The following PIP4K2A variants were observed in gnomAD, a reference collection of about 807,000 sequenced individuals.
PIP4K2A encodes the protein phosphatidylinositol-5-phosphate 4-kinase type 2 alpha.
A neutral mutation model predicts 42.9 loss-of-function variants in PIP4K2A; 14 were observed. That is an observed-to-expected ratio of 0.33 (90% CI 0.22 to 0.51). The LOEUF is 0.51. Among genes scored for constraint, PIP4K2A ranks in the 20% least tolerant of loss-of-function variants. The pLI is 0.97. For synonymous variants in PIP4K2A, 192 were observed against 192.2 expected (o/e 1.00, Z 0.01); for missense variants, 434 against 519.8 (o/e 0.83, Z 1.61).
chr10:22,618,658 TCTGCACACA>T (rs1235196647), intron 1 of PIP4K2A, among the ~76,000 whole-genome samples: 16 of 152,216 alleles, frequency 1.1e-4, no homozygotes, highest in Non-Finnish European at 2.1e-4. Context: ...TCCAGAGCTA[TCTGCACACA>T]ATTTATTTCT....
At chr10:22,612,212 G>GTC (rs1838060927) in intron 1 of PIP4K2A, among the ~76,000 whole-genome samples, 2 of 152,204 alleles carry the variant, frequency 1.3e-5, no homozygotes, top group Non-Finnish European at 2.9e-5. Context: ...TCGGACACCA[G>GTC]TCTTTGTCCT....
intron 1 of PIP4K2A, among the ~76,000 whole-genome samples, chr10:22,684,986 G>A (rs752697708): frequency 6.6e-6 from 1 of 152,048 alleles, no homozygotes; most frequent in African/African-American, 2.4e-5. Flanking sequence ...TTACACCTGT[G>A]GAACCCGTGC....
intron 1 of PIP4K2A, among the ~76,000 whole-genome samples, chr10:22,695,135 A>G (rs1161517247): frequency 6.6e-6 from 1 of 152,238 alleles, no homozygotes; most frequent in African/African-American, 2.4e-5. Context: ...ACTCATCCAC[A>G]TAACCTTCAT....
rs1456239721 is a variant in PIP4K2A, at chr10:22,664,170, T to TATAC, written c.144+50012_144+50013insGTAT. Among the ~76,000 whole-genome samples the TATAC allele has an allele frequency of 6.8e-4, 42 of 61,808 alleles. 6 individuals are homozygous for TATAC. The highest frequency in any genetic ancestry group is 3.6e-3 in the African/African-American group (29 of 8,094). 40.5% of individuals were successfully genotyped at this position (61,808 alleles called of 152,430 possible). Reference sequence around the variant, plus strand: ...ATATATACACATATATATATATACATATATATATATACATATATATACATA... The same window carrying TATAC: ...ATATATACACATATATATATATACATATACATATATATATACATATATATACATA... On this transcript the variant is annotated intron_variant, in intron 1 of 9. Transcript: ENST00000376573.
At chr10:22,561,347 A>C (rs942616755) in intron 6 of PIP4K2A, among the ~76,000 whole-genome samples, 26 of 152,168 alleles carry the variant, frequency 1.7e-4, no homozygotes, top group Admixed American at 3.9e-4. Flanking sequence ...GATTATGCTA[A>C]TGCAAATCAC....
chr10:22,712,965 C>A (rs936371902), intron 1 of PIP4K2A, among the ~76,000 whole-genome samples: 3 of 151,028 alleles, frequency 2.0e-5, no homozygotes, highest in Non-Finnish European at 4.4e-5. Flanking sequence ...TTCCGAAAAA[C>A]CAGCATGGTT....
In PIP4K2A at chr10:22,714,037, C is replaced by G. The variant is rs564580032; in HGVS notation, c.144+146G>C. 5.4e-3 allele frequency: 4,346 copies of G among 807,192 alleles called. 19 individuals carry two copies. Among genetic ancestry groups the G allele is most frequent in the Non-Finnish European group, 6.2e-3 (3,294 of 531,770 alleles). 50.0% of individuals were successfully genotyped at this position (807,192 alleles called of 1,614,324 possible). A position where few individuals can be genotyped will look rare whatever the true frequency, so the allele number is the denominator to read the frequency against. On this transcript the variant is annotated intron_variant, in intron 1 of 9. Coordinates refer to ENST00000376573, the MANE Select transcript of PIP4K2A (RefSeq NM_005028.5). Reference sequence around the variant, plus strand: ...AGGGCTGGGGGCACGCGCCGCGGGGCTGGGGGCTTCGAGGCGGGCGAGCAG... The same window carrying G: ...AGGGCTGGGGGCACGCGCCGCGGGGGTGGGGGCTTCGAGGCGGGCGAGCAG...
At chr10:22,600,723 T>C (rs940361221) in intron 3 of PIP4K2A, among the ~76,000 whole-genome samples, 2 of 152,118 alleles carry the variant, frequency 1.3e-5, no homozygotes, top group Non-Finnish European at 2.9e-5. Context: ...GGGTCTGCAG[T>C]TGACATATCT....
chr10:22,600,329 A>G (rs1837731320), intron 3 of PIP4K2A, among the ~76,000 whole-genome samples: 1 of 152,102 alleles, frequency 6.6e-6, no homozygotes, highest in Non-Finnish European at 1.5e-5. Flanking sequence ...CCACCCTCGT[A>G]TAAGGGAACA....
At chr10:22,697,109 G>T (rs2130909425) in intron 1 of PIP4K2A, among the ~76,000 whole-genome samples, 1 of 149,472 alleles carries the variant, frequency 6.7e-6, no homozygotes, top group South Asian at 2.1e-4. Flanking sequence ...ATTTTCTTCA[G>T]TGTTCTCTGG....
At chr10:22,676,248 A>G (rs994304716) in intron 1 of PIP4K2A, among the ~76,000 whole-genome samples, 11 of 152,170 alleles carry the variant, frequency 7.2e-5, no homozygotes, top group African/African-American at 2.7e-4. Context: ...TACATTAAAC[A>G]GCAAATAAAG....
intron 1 of PIP4K2A, among the ~76,000 whole-genome samples, chr10:22,707,126 G>A (rs2130925676): frequency 6.6e-6 from 1 of 152,242 alleles, no homozygotes; most frequent in Non-Finnish European, 1.5e-5. Flanking sequence ...CTATTTTAAA[G>A]GATAGTAATA....
At chr10:22,603,827 T>C (rs1837847136) in intron 3 of PIP4K2A, among the ~76,000 whole-genome samples, 1 of 152,180 alleles carries the variant, frequency 6.6e-6, no homozygotes, top group Non-Finnish European at 1.5e-5. Flanking sequence ...GAAACACACC[T>C]TTAAAGTATG....
chr10:22,602,394 T>TAAAA (rs71395805), intron 3 of PIP4K2A, among the ~76,000 whole-genome samples: 3 of 101,312 alleles, frequency 3.0e-5, no homozygotes, highest in African/African-American at 6.2e-5. Context: ...ACTCTGTCTA[T>TAAAA]AAAAAAAAAA....
In PIP4K2A at chr10:22,538,834, A is replaced by G. The variant is rs906345532; in HGVS notation, c.1140+1137T>C. On this transcript the variant is annotated intron_variant, in intron 9 of 9. Coordinates refer to ENST00000376573, the MANE Select transcript of PIP4K2A (RefSeq NM_005028.5). ...AGGTCCCAGTCTGTGCTCTGCACAC[A>G]GCAGGAATACCATAGCTATCGACAA... 9.2e-5 allele frequency among the ~76,000 whole-genome samples: 14 copies of G among 152,364 alleles called. No homozygotes were observed. The East Asian group carries it at 1.9e-3, about 21-fold the overall frequency.
chr10:22,700,603 G>A (rs879074347), intron 1 of PIP4K2A, among the ~76,000 whole-genome samples: 7 of 152,132 alleles, frequency 4.6e-5, no homozygotes, highest in Non-Finnish European at 7.4e-5. Context: ...CCTGTCTCCC[G>A]CTAATGCAGC....
chr10:22,573,532 C>T, intron 4 of PIP4K2A, 75 bp from the exon 5 acceptor site: 1 of 1,296,186 alleles, frequency 7.7e-7, no homozygotes, highest in Non-Finnish European at 1.1e-6. Flanking sequence ...AATACATACG[C>T]CTATGGTGTT....
chr10:22,690,002 T>G (rs1839831892), intron 1 of PIP4K2A, among the ~76,000 whole-genome samples: 1 of 152,194 alleles, frequency 6.6e-6, no homozygotes. Flanking sequence ...AAAAAAATCC[T>G]TATAACTGCT....
At chr10:22,614,320 A>G (rs1838123673) in intron 1 of PIP4K2A, among the ~76,000 whole-genome samples, 1 of 152,250 alleles carries the variant, frequency 6.6e-6, no homozygotes, top group Admixed American at 6.5e-5. Flanking sequence ...GAGATCATAT[A>G]GTCTAACCTC....
Sources: gnomAD v4.1 joint callset for allele counts (sites outside exome capture counted in the v4.1 genomes callset) on GRCh38, gnomAD v4.1.1 for gene constraint, MANE v1.5 for transcripts, NCBI Gene and HGNC (gene_info 2026-07-23, HGNC 2026-07-21) for gene names.